Variants in ENTREP1 observed in about 807,000 individuals in gnomAD.
The protein encoded by ENTREP1 is Friedreich ataxia region gene X123.
At chr9:69,325,325 G>A in the ENTREP1 span, 6 of 1,185,122 alleles carry the variant, frequency 5.1e-6, no homozygotes, top group Non-Finnish European at 6.3e-6. Context: ...CCTGCCCGTG[G>A]TGCTCCCGGG....
At chr9:69,341,286 G>A in the ENTREP1 span, among the ~76,000 whole-genome samples, 2 of 152,284 alleles carry the variant, frequency 1.3e-5, no homozygotes, top group Admixed American at 1.3e-4. Context: ...CTTCCCCAGA[G>A]ATGTTCTTGG....
chr9:69,354,549 C>T, the ENTREP1 span, among the ~76,000 whole-genome samples: 37 of 152,188 alleles, frequency 2.4e-4, no homozygotes, highest in African/African-American at 7.7e-4. Flanking sequence ...TGAGCCACTG[C>T]GCCTGGCCCA....
the ENTREP1 span, among the ~76,000 whole-genome samples, chr9:69,336,537 T>TA: frequency 6.6e-6 from 1 of 152,128 alleles, no homozygotes; most frequent in South Asian, 2.1e-4. Flanking sequence ...GATAGAATTT[T>TA]AAAAAAACTA....
the ENTREP1 span, chr9:69,381,602 C>A: frequency 2.0e-5 from 3 of 152,246 alleles, no homozygotes; most frequent in Admixed American, 2.0e-4. Flanking sequence ...ACCTACCTTG[C>A]CAGGACTGAG....
At chr9:69,382,623 C>T in the ENTREP1 span, 4 of 152,174 alleles carry the variant, frequency 2.6e-5, no homozygotes, top group African/African-American at 9.7e-5. Flanking sequence ...TCTTCTCAGT[C>T]CCAGAATTCC....
At chr9:69,327,100 G>A in the ENTREP1 span, among the ~76,000 whole-genome samples, 1 of 151,872 alleles carries the variant, frequency 6.6e-6, no homozygotes, top group Non-Finnish European at 1.5e-5. Flanking sequence ...CTTGAGACTC[G>A]CCTGAAATTG....
chr9:69,382,895 A>T, the ENTREP1 span: 1 of 330,306 alleles, frequency 3.0e-6, no homozygotes, highest in African/African-American at 2.2e-5. Flanking sequence ...TCATTCTTTG[A>T]TACTCCATAG....
the ENTREP1 span, chr9:69,377,475 A>C: frequency 1.2e-6 from 2 of 1,613,300 alleles, no homozygotes; most frequent in Non-Finnish European, 1.7e-6. Context: ...GAGATCCTGC[A>C]TCGTAAGTCT....
chr9:69,372,416 C>G, the ENTREP1 span, among the ~76,000 whole-genome samples: 1 of 152,164 alleles, frequency 6.6e-6, no homozygotes, highest in African/African-American at 2.4e-5. Flanking sequence ...CTAGGTACCT[C>G]ATACAAGTAG....
chr9:69,352,344 C>T, the ENTREP1 span, among the ~76,000 whole-genome samples: 1 of 152,098 alleles, frequency 6.6e-6, no homozygotes, highest in East Asian at 1.9e-4. Flanking sequence ...GTCTCGAACT[C>T]CTAACCTCAG....
chr9:69,325,000 G>A, the ENTREP1 span: 3 of 985,258 alleles, frequency 3.0e-6, no homozygotes, highest in Admixed American at 1.2e-4. Context: ...AGGTTCGGCG[G>A]GGACCCTGAG....
At chr9:69,383,834 C>T in the ENTREP1 span, 1 of 1,588,058 alleles carries the variant, frequency 6.3e-7, no homozygotes, top group Admixed American at 1.7e-5. Flanking sequence ...CCCCCTGCCC[C>T]CAGAGAACAG....
At chr9:69,387,235 C>G in the ENTREP1 span, 3 of 152,336 alleles carry the variant, frequency 2.0e-5, no homozygotes, top group African/African-American at 7.2e-5. Flanking sequence ...GTCTCGAATC[C>G]TGGTTTAGAG....
At chr9:69,373,660 A>G in the ENTREP1 span, among the ~76,000 whole-genome samples, 3 of 152,148 alleles carry the variant, frequency 2.0e-5, no homozygotes, top group Non-Finnish European at 2.9e-5. Flanking sequence ...GCTGCCATTA[A>G]TATCATTCTG....
At chr9:69,377,302 A>G in the ENTREP1 span, 19 of 948,872 alleles carry the variant, frequency 2.0e-5, no homozygotes, top group East Asian at 4.5e-4. Flanking sequence ...TATTTTAAAG[A>G]TTTTCTACAT....
At chr9:69,340,821 G>T in the ENTREP1 span, among the ~76,000 whole-genome samples, 1 of 151,992 alleles carries the variant, frequency 6.6e-6, no homozygotes, top group African/African-American at 2.4e-5. Context: ...GTATGTGTGT[G>T]TGTGTGTAGT....
At chr9:69,360,595 T>C in the ENTREP1 span, among the ~76,000 whole-genome samples, 2 of 152,260 alleles carry the variant, frequency 1.3e-5, no homozygotes, top group Non-Finnish European at 2.9e-5. Context: ...TTTAAGTCCC[T>C]CTTCCATATA....
chr9:69,350,043 CT>C, the ENTREP1 span, among the ~76,000 whole-genome samples: 1 of 152,126 alleles, frequency 6.6e-6, no homozygotes, highest in Non-Finnish European at 1.5e-5. Context: ...TGTCTTTTTA[CT>C]TTCTTGATGA....
chr9:69,340,807 G>GTGCGCGCA, the ENTREP1 span, among the ~76,000 whole-genome samples: 309 of 68,056 alleles, frequency 4.5e-3, 12 homozygotes, highest in African/African-American at 0.014. Context: ...GTGCATGTGT[G>GTGCGCGCA]TGTGTATGTG....
Sources: allele counts gnomAD v4.1 joint callset (sites outside exome capture counted in the v4.1 genomes callset), GRCh38; gene constraint gnomAD v4.1.1; transcripts MANE v1.5; gene names NCBI Gene and HGNC (gene_info 2026-07-23, HGNC 2026-07-21).